The following NR3C2 variants were observed in gnomAD, a reference collection of about 807,000 sequenced individuals.
NR3C2 encodes nuclear receptor subfamily 3 group C member 2, also known as mineralocorticoid receptor.
A neutral mutation model predicts 86.4 loss-of-function variants in NR3C2; 15 were observed. The ratio of observed to expected loss-of-function variants is 0.17; its 90% confidence interval spans 0.12 to 0.27. The LOEUF is 0.27. Among genes scored for constraint, NR3C2 ranks in the 10% least tolerant of loss-of-function variants. The probability of loss-of-function intolerance (pLI) is 1.00; values close to 1 mark genes in which losing one functional copy is unlikely to be tolerated. For synonymous variants in NR3C2, 458 were observed against 450.5 expected (o/e 1.02, Z -0.21); for missense variants, 960 against 1,195.6 (o/e 0.80, Z 2.91).
chr4:148,207,353 C>G (rs1314158203), intron 3 of NR3C2, among the ~76,000 whole-genome samples: 1 of 152,210 alleles, frequency 6.6e-6, no homozygotes, highest in African/African-American at 2.4e-5. Context: ...CTAGAATCAC[C>G]TGGCCAGTCA....
chr4:148,187,672 T>A (rs1735993398), intron 4 of NR3C2, among the ~76,000 whole-genome samples: 1 of 152,250 alleles, frequency 6.6e-6, no homozygotes, highest in East Asian at 1.9e-4. Context: ...CTCTCTTGTC[T>A]GTTTACTCTG....
At chr4:148,225,770 G>T (rs779708144) in intron 3 of NR3C2, among the ~76,000 whole-genome samples, 5 of 152,090 alleles carry the variant, frequency 3.3e-5, no homozygotes, top group Non-Finnish European at 7.4e-5. Context: ...CTAAGGAAAT[G>T]AAATCAAGGC....
rs72645606 is a variant in NR3C2, at chr4:148,423,886, T to C, written c.1757+11218A>G. 3.7e-3 allele frequency among the ~76,000 whole-genome samples: 562 copies of C among 152,300 alleles called. 3 individuals carry two copies. The highest frequency in any genetic ancestry group is 0.012 in the African/African-American group (505 of 41,566). ...ACTACGCCTGGCTAATATTTGTTTG[T>C]ATTTTTGGTAGAGACGGGGTTTCAC... On this transcript the variant is annotated intron_variant, in intron 2 of 8. Coordinates refer to ENST00000358102, the MANE Select transcript of NR3C2 (RefSeq NM_000901.5).
At chr4:148,439,558 C>T (rs1001999166) in intron 1 of NR3C2, among the ~76,000 whole-genome samples, 24 of 151,934 alleles carry the variant, frequency 1.6e-4, no homozygotes, top group African/African-American at 5.6e-4. Context: ...CTCTCTGTCC[C>T]GTGTCTGAAG....
intron 6 of NR3C2, among the ~76,000 whole-genome samples, chr4:148,144,759 C>G (rs1389349607): frequency 6.6e-6 from 1 of 152,196 alleles, no homozygotes; most frequent in Non-Finnish European, 1.5e-5. Flanking sequence ...GGCCTCTAAA[C>G]ACTACTTTTG....
chr4:148,354,721 C>G (rs947797691), intron 2 of NR3C2, among the ~76,000 whole-genome samples: 6 of 151,662 alleles, frequency 4.0e-5, no homozygotes, highest in Non-Finnish European at 8.8e-5. Context: ...CAATGACATT[C>G]GTATATAAAG....
intron 2 of NR3C2, among the ~76,000 whole-genome samples, chr4:148,387,083 C>T (rs996247817): frequency 2.6e-5 from 4 of 152,174 alleles, no homozygotes; most frequent in African/African-American, 9.7e-5. Flanking sequence ...TACTTCTGGT[C>T]AATGTGATAT....
rs144651390 is a variant in NR3C2, at chr4:148,295,836, A to T, written c.1758-35719T>A. ...AATCACTGAATCATGAAGATGTCACAGTGGCAGGTCACGTGATCCTGCCTA... is the reference window on the plus strand; with the variant it reads ...AATCACTGAATCATGAAGATGTCACTGTGGCAGGTCACGTGATCCTGCCTA... On this transcript the variant is annotated intron_variant, in intron 2 of 8. Coordinates refer to ENST00000358102, the MANE Select transcript of NR3C2 (RefSeq NM_000901.5). Among the ~76,000 whole-genome samples, 953 of 152,094 alleles carry T rather than the reference A, an allele frequency of 6.3e-3. 7 individuals carry two copies. The highest frequency in any genetic ancestry group is 0.022 in the African/African-American group (907 of 41,480).
intron 2 of NR3C2, among the ~76,000 whole-genome samples, chr4:148,331,934 A>G (rs568913925): frequency 6.6e-6 from 1 of 152,300 alleles, no homozygotes; most frequent in East Asian, 1.9e-4. Flanking sequence ...TGCTTTATAC[A>G]TTATTTGCTT....
chr4:148,283,454 G>A (rs1741349804), intron 2 of NR3C2, among the ~76,000 whole-genome samples: 1 of 152,164 alleles, frequency 6.6e-6, no homozygotes, highest in African/African-American at 2.4e-5. Context: ...GAGCAATGGT[G>A]ACCCCAATAA....
At chr4:148,266,943 G>A (rs372021659) in intron 2 of NR3C2, among the ~76,000 whole-genome samples, 1 of 152,190 alleles carries the variant, frequency 6.6e-6, no homozygotes, top group Non-Finnish European at 1.5e-5. Context: ...TATCTAAGAT[G>A]GGGGGAAGAG....
At position 148,435,307 on chromosome 4, in the gene NR3C2, T is replaced by C. The variant is rs747718288; in HGVS notation, c.1554A>G (p.Ser518=). Residue 518 remains serine (S), a synonymous_variant, in exon 2 of 9, where the codon TCA becomes TCG. Coordinates refer to ENST00000358102, the MANE Select transcript of NR3C2 (RefSeq NM_000901.5). ...TCCTGTAGTGGAAGGACTGTCCACC[T>C]GAATTCACCCCAACAATAGCAGAGG... ...IPSSAIVGVN[S]GGQSFHYRIG... 2.5e-6 allele frequency: 4 copies of C among 1,614,060 alleles called. No homozygotes were observed. The highest frequency in any genetic ancestry group is 2.7e-5 in the African/African-American group (2 of 74,930).
At chr4:148,189,429 G>T (rs764282714) in intron 4 of NR3C2, among the ~76,000 whole-genome samples, 6 of 152,150 alleles carry the variant, frequency 3.9e-5, no homozygotes, top group Non-Finnish European at 5.9e-5. Context: ...TATGTTGTTG[G>T]ATTCGGTTAG....
chr4:148,214,363 T>A (rs1017287488), intron 3 of NR3C2, among the ~76,000 whole-genome samples: 1 of 148,976 alleles, frequency 6.7e-6, no homozygotes, highest in African/African-American at 2.5e-5. Context: ...TTTTGAAGAG[T>A]TTTTTTTTTT....
chr4:148,432,644 G>T (rs929049633), intron 2 of NR3C2, among the ~76,000 whole-genome samples: 3 of 152,086 alleles, frequency 2.0e-5, no homozygotes, highest in Non-Finnish European at 2.9e-5. Flanking sequence ...GATCCTTTAT[G>T]ATATTTAATT....
chr4:148,423,962 C>G (rs1213974948), intron 2 of NR3C2, among the ~76,000 whole-genome samples: 1 of 152,230 alleles, frequency 6.6e-6, no homozygotes, highest in Non-Finnish European at 1.5e-5. Context: ...ATCTGCCCAC[C>G]TAGGCCTCCC....
At chr4:148,422,219 A>G (rs762048798) in intron 2 of NR3C2, among the ~76,000 whole-genome samples, 36 of 152,268 alleles carry the variant, frequency 2.4e-4, no homozygotes, top group Non-Finnish European at 2.8e-4. Flanking sequence ...CATTTCTACC[A>G]CATATAGAAA....
chr4:148,282,609 G>C (rs1262271127), intron 2 of NR3C2, among the ~76,000 whole-genome samples: 2 of 152,164 alleles, frequency 1.3e-5, no homozygotes, highest in Admixed American at 6.5e-5. Context: ...CAACGAGAAA[G>C]AGCAAGAAAA....
At chr4:148,383,952 G>GA (rs60506239) in intron 2 of NR3C2, among the ~76,000 whole-genome samples, 48,067 of 119,984 alleles carry the variant, frequency 0.4, 9,597 homozygotes, top group African/African-American at 0.53. Flanking sequence ...TGTCTCAGGG[G>GA]AAAAAAAAAA....
Sources: gnomAD v4.1 joint callset for allele counts (sites outside exome capture counted in the v4.1 genomes callset) on GRCh38, gnomAD v4.1.1 for gene constraint, MANE v1.5 for transcripts, NCBI Gene and HGNC (gene_info 2026-07-23, HGNC 2026-07-21) for gene names.